DNAJC13: variants seen among roughly 807,000 people sequenced by gnomAD.
DNAJC13 encodes the protein dnaJ homolog subfamily C member 13.
In DNAJC13, 75 loss-of-function variants were observed where a neutral mutation model predicts 290.5. That is an observed-to-expected ratio of 0.26 (90% CI 0.21 to 0.31). DNAJC13 has a LOEUF of 0.31. Ranked by LOEUF, DNAJC13 falls within the 10% of genes least tolerant of loss-of-function variation. DNAJC13 has a pLI of 1.00. For missense variants in DNAJC13, 2,260 were observed against 2,674.5 expected (o/e 0.85, Z 3.42); for synonymous variants, 862 against 892.0 (o/e 0.97, Z 0.60).
At chr3:132,487,002 T>A (rs1419098938) in intron 29 of DNAJC13, among the ~76,000 whole-genome samples, 1 of 152,124 alleles carries the variant, frequency 6.6e-6, no homozygotes, top group Non-Finnish European at 1.5e-5. Context: ...CTAATTTCCG[T>A]AATGTCAAGT....
chr3:132,436,938 T>A (rs1275431577), intron 2 of DNAJC13, among the ~76,000 whole-genome samples: 1 of 151,422 alleles, frequency 6.6e-6, no homozygotes, highest in African/African-American at 2.4e-5. Flanking sequence ...CAGGCTGGAG[T>A]GCTGATCTCG....
chr3:132,520,883 CT>C (rs1936068019), intron 48 of DNAJC13, among the ~76,000 whole-genome samples: 1 of 152,170 alleles, frequency 6.6e-6, no homozygotes, highest in African/African-American at 2.4e-5. Flanking sequence ...AAGGTTATTA[CT>C]TAAAATTTAG....
At chr3:132,464,932 A>T (rs1046285528) in intron 17 of DNAJC13, among the ~76,000 whole-genome samples, 15 of 152,146 alleles carry the variant, frequency 9.9e-5, no homozygotes, top group African/African-American at 3.4e-4. Flanking sequence ...ACTGTTAAAG[A>T]TCTGTCAATG....
At position 132,488,524 on chromosome 3, in the gene DNAJC13, T is replaced by C. The variant is rs10512859; in HGVS notation, c.3422+72T>C. ...ATATGGACTGATTTAATTGAATTAT[T>C]TGTGAGTACCTTATTGCTTTTATTA... On this transcript the variant is annotated intron_variant, in intron 30 of 55. Coordinates refer to ENST00000260818, the MANE Select transcript of DNAJC13 (RefSeq NM_015268.4). 34,570 of 1,372,190 alleles carry C rather than the reference T, an allele frequency of 0.025. 1,072 individuals are homozygous for C. The highest frequency in any genetic ancestry group is 0.15 in the African/African-American group (10,290 of 68,570). The allele number at this position is 1,372,190 out of a possible 1,614,324, so 85.0% of individuals were successfully genotyped here. A position where few individuals can be genotyped will look rare whatever the true frequency, so the allele number is the denominator to read the frequency against.
intron 9 of DNAJC13, among the ~76,000 whole-genome samples, chr3:132,455,333 G>T (rs773569454): frequency 6.6e-6 from 1 of 152,216 alleles, no homozygotes; most frequent in Non-Finnish European, 1.5e-5. Context: ...CAAAAAGACT[G>T]CCAGTGGCAG....
At position 132,447,304 on chromosome 3, in the gene DNAJC13, ATTT is replaced by A; in HGVS notation, c.145-6_145-4del. Reference sequence around the variant, plus strand: ...CTGTATTATAGTAGCACCAGTCAAAATTTTTTTTTTTTTAAGTGGCCTTATGGA... The same window carrying A: ...CTGTATTATAGTAGCACCAGTCAAAATTTTTTTTTTAAGTGGCCTTATGGA... On this transcript the variant is annotated splice_polypyrimidine_tract_variant and intron_variant, in intron 3 of 55. Transcript: ENST00000260818. The A allele has an allele frequency of 3.5e-6, 4 of 1,159,166 alleles. No individual in the cohort carries two copies. The highest frequency in any genetic ancestry group is 2.9e-5 in the Admixed American group (1 of 35,078). 71.8% of individuals were successfully genotyped at this position (1,159,166 alleles called of 1,614,324 possible).
At chr3:132,506,580 TCTCA>T (rs1286005101) in intron 42 of DNAJC13, among the ~76,000 whole-genome samples, 2 of 129,792 alleles carry the variant, frequency 1.5e-5, no homozygotes, top group East Asian at 4.7e-4. Flanking sequence ...TGAGATTGAG[TCTCA>T]CTCTGTTGCC....
chr3:132,520,533 G>C (rs1225347230), intron 48 of DNAJC13, among the ~76,000 whole-genome samples: 1 of 152,088 alleles, frequency 6.6e-6, no homozygotes, highest in Non-Finnish European at 1.5e-5. Flanking sequence ...TGATAGACTT[G>C]GGTCATTCAT....
chr3:132,433,984 C>T (rs1159266236), intron 1 of DNAJC13, among the ~76,000 whole-genome samples: 2 of 152,074 alleles, frequency 1.3e-5, no homozygotes, highest in South Asian at 2.1e-4. Flanking sequence ...GAGGCCAAGG[C>T]GGGAGGATCA....
chr3:132,473,353 G>C (rs1934353805), intron 21 of DNAJC13, 126 bp downstream of exon 21: 1 of 649,334 alleles, frequency 1.5e-6, no homozygotes, highest in Non-Finnish European at 2.6e-6. Flanking sequence ...ATCAAGTTCA[G>C]GAACTATAAC....
At chr3:132,518,603 C>T (rs62293979) in intron 48 of DNAJC13, among the ~76,000 whole-genome samples, 4 of 152,198 alleles carry the variant, frequency 2.6e-5, no homozygotes, top group South Asian at 2.1e-4. Context: ...GTGATCCACC[C>T]GCCTTGGCCT....
intron 43 of DNAJC13, 103 bp from the exon 44 acceptor site, chr3:132,510,964 T>C (rs1576511083): frequency 7.8e-7 from 1 of 1,284,434 alleles, no homozygotes; most frequent in Middle Eastern, 2.0e-4. Flanking sequence ...ATGTATAATT[T>C]AATCATGTTT....
chr3:132,434,399 C>G, intron 1 of DNAJC13, 139 bp from the exon 2 acceptor site: 1 of 374,984 alleles, frequency 2.7e-6, no homozygotes, highest in Non-Finnish European at 4.8e-6. Flanking sequence ...AAAAAAAAAA[C>G]AAAACCTTAT....
chr3:132,509,552 A>G (rs1048518866), intron 43 of DNAJC13, among the ~76,000 whole-genome samples: 2 of 152,236 alleles, frequency 1.3e-5, no homozygotes, highest in Admixed American at 6.5e-5. Context: ...ATTGACTTCA[A>G]TTTTGAAAGA....
intron 33 of DNAJC13, among the ~76,000 whole-genome samples, chr3:132,492,922 A>C (rs1186074648): frequency 6.6e-6 from 1 of 152,008 alleles, no homozygotes; most frequent in African/African-American, 2.4e-5. Flanking sequence ...ACCTTGGTGG[A>C]AGCTTGTCTT....
intron 35 of DNAJC13, among the ~76,000 whole-genome samples, chr3:132,495,385 T>G (rs978100923): frequency 6.6e-6 from 1 of 152,148 alleles, no homozygotes; most frequent in Admixed American, 6.6e-5. Flanking sequence ...CTTACAGGTT[T>G]TATTGTGTCT....
chr3:132,470,609 C>CG (rs1292613261), intron 20 of DNAJC13, among the ~76,000 whole-genome samples: 9 of 113,374 alleles, frequency 7.9e-5, no homozygotes, highest in East Asian at 2.6e-4. Context: ...GCTGGCCGGG[C>CG]GGGGGGGCTG....
chr3:132,494,280 T>C (rs367725035), intron 34 of DNAJC13, 21 bp downstream of exon 34: 507 of 1,538,110 alleles, frequency 3.3e-4, no homozygotes, highest in Non-Finnish European at 4.3e-4. Flanking sequence ...TTCAGTACAA[T>C]AGCAAATGTC....
intron 26 of DNAJC13, among the ~76,000 whole-genome samples, chr3:132,481,902 G>T (rs907214706): frequency 1.3e-5 from 2 of 152,234 alleles, no homozygotes; most frequent in Non-Finnish European, 2.9e-5. Context: ...AATATTCTTT[G>T]CTACTAAAAT....
Sources: gnomAD v4.1 joint callset for allele counts (sites outside exome capture counted in the v4.1 genomes callset) on GRCh38, gnomAD v4.1.1 for gene constraint, MANE v1.5 for transcripts, NCBI Gene and HGNC (gene_info 2026-07-23, HGNC 2026-07-21) for gene names.